The following SPG11 variants were observed in gnomAD, a reference collection of about 807,000 sequenced individuals.
SPG11 encodes spatacsin.
In SPG11, 222 loss-of-function variants were observed where a neutral mutation model predicts 274.0. The observed-to-expected ratio is 0.81, with a 90% CI of 0.73 to 0.91. The LOEUF is 0.91. Among genes scored for constraint, SPG11 ranks in the 40% least tolerant of loss-of-function variants. SPG11 has a pLI of 0.00. For missense variants in SPG11, 3,114 were observed against 2,872.7 expected (o/e 1.08, Z -1.92); for synonymous variants, 1,144 against 1,039.7 (o/e 1.10, Z -1.93).
intron 25 of SPG11, 130 bp downstream of exon 25, chr15:44,595,953 T>A: frequency 1.6e-6 from 2 of 1,252,608 alleles, no homozygotes; most frequent in South Asian, 2.5e-5. Context: ...AATGTTGCAG[T>A]GAACTTGGAA....
intron 35 of SPG11, among the ~76,000 whole-genome samples, chr15:44,569,178 AG>A (rs149087319): frequency 6.6e-6 from 1 of 151,090 alleles, no homozygotes; most frequent in Non-Finnish European, 1.5e-5. Flanking sequence ...AAAAAAAAAA[AG>A]AAAAAGAAAA....
At chr15:44,659,023 T>C in intron 3 of SPG11, 56 bp downstream of exon 3, 1 of 1,550,656 alleles carries the variant, frequency 6.4e-7, no homozygotes. Flanking sequence ...AAGGCTCATC[T>C]TTATAGGTGT....
chr15:44,619,048 C>T (rs935219806), intron 15 of SPG11, among the ~76,000 whole-genome samples: 2 of 152,070 alleles, frequency 1.3e-5, no homozygotes, highest in Non-Finnish European at 2.9e-5. Flanking sequence ...TAGGTAAGCA[C>T]ACAAGTTCTA....
chr15:44,641,586 T>TACACACACACAC lies in SPG11; in HGVS notation c.1602+7268_1602+7279dup, dbSNP rs147901004. Among the ~76,000 whole-genome samples the TACACACACACAC allele has an allele frequency of 2.2e-3, 242 of 112,478 alleles. 4 individuals carry two copies. Among genetic ancestry groups the TACACACACACAC allele is most frequent in the Admixed American group, 5.8e-3 (61 of 10,468 alleles). 73.8% of individuals were successfully genotyped at this position (112,478 alleles called of 152,430 possible). ...TGAAAGAAAAAAAATCCAAATATCT[T>TACACACACACAC]ACACACACACACACACACACACACA... On this transcript the variant is annotated intron_variant, in intron 7 of 39. Transcript: ENST00000261866.
chr15:44,583,457 TCAAAAAA>T (rs560419175), intron 30 of SPG11, among the ~76,000 whole-genome samples: 11 of 151,280 alleles, frequency 7.3e-5, no homozygotes, highest in Middle Eastern at 3.4e-3. Context: ...AAACACCATC[TCAAAAAA>T]CAAAAAACAA....
intron 17 of SPG11, among the ~76,000 whole-genome samples, chr15:44,611,807 G>GTTT (rs1390494639): frequency 9.6e-6 from 1 of 104,132 alleles, no homozygotes. Flanking sequence ...AATGGTCACT[G>GTTT]TCTTTTTTTT....
At chr15:44,585,898 C>T (rs1328531775) in intron 28 of SPG11, 48 bp from the exon 29 acceptor site, 1 of 1,501,698 alleles carries the variant, frequency 6.7e-7, no homozygotes, top group East Asian at 2.3e-5. Context: ...TAAAATGCCA[C>T]TACAGCATTT....
intron 20 of SPG11, among the ~76,000 whole-genome samples, chr15:44,603,273 T>G (rs888947742): frequency 3.3e-5 from 5 of 152,176 alleles, no homozygotes; most frequent in African/African-American, 1.2e-4. Context: ...GCTAATTTTT[T>G]GTAGAGACAG....
At chr15:44,661,338 T>C (rs767593420) in intron 1 of SPG11, among the ~76,000 whole-genome samples, 2 of 152,148 alleles carry the variant, frequency 1.3e-5, no homozygotes, top group African/African-American at 2.4e-5. Flanking sequence ...TAAAACTAAA[T>C]TACACATTAC....
chr15:44,622,194 T>C, intron 13 of SPG11, 26 bp downstream of exon 13: 1 of 1,604,458 alleles, frequency 6.2e-7, no homozygotes. Flanking sequence ...ATTCTAATAT[T>C]ATCAAAAGAG....
At chr15:44,642,542 T>A in intron 7 of SPG11, among the ~76,000 whole-genome samples, 1 of 150,240 alleles carries the variant, frequency 6.7e-6, no homozygotes, top group Non-Finnish European at 1.5e-5. Context: ...TGCAGAAAAA[T>A]AAAGAAAATC....
intron 1 of SPG11, among the ~76,000 whole-genome samples, chr15:44,662,288 AGAGGAGCTG>A (rs138367505): frequency 0.047 from 7,139 of 152,244 alleles, 427 homozygotes; most frequent in African/African-American, 0.13. Context: ...AGGAGCTGTT[AGAGGAGCTG>A]GAGATTCCAA....
rs1478591947 is a variant in SPG11 at position 44,629,234 on chromosome 15, T to G, written c.1890A>C (p.Glu630Asp). 3 of 1,614,000 alleles carry G rather than the reference T, an allele frequency of 1.9e-6. No individual in the cohort carries two copies. The South Asian group carries it at 3.3e-5, about 18-fold the overall frequency. The change falls in exon 9 of 40, where the codon GAA becomes GAC. Residue 630 changes from glutamate (E) to aspartate (D), a missense_variant and splice_region_variant. Glu to Asp is a conservative substitution (Grantham distance 45). Coordinates refer to ENST00000261866, the MANE Select transcript of SPG11 (RefSeq NM_025137.4). ...NQIKELFIHT[E>D]ELDEHLQKGV... is the part of the protein sequence containing the mutation. ...CCCCTTCCTAGCTGCTATTCTTACC[T>G]TCAGTGTGAATGAAAAGCTCCTTTA...
chr15:44,573,441 G>A lies in SPG11; in HGVS notation c.6205+106C>T, dbSNP rs2082466361. On this transcript the variant is annotated intron_variant, in intron 32 of 39. Coordinates refer to ENST00000261866, the MANE Select transcript of SPG11 (RefSeq NM_025137.4). ...ATACATTACTGCAATCCAGAAACTTGAGAGAACCACATACAGGATGTATAT... is the reference window on the plus strand; with the variant it reads ...ATACATTACTGCAATCCAGAAACTTAAGAGAACCACATACAGGATGTATAT... 9 of 1,233,914 alleles carry A rather than the reference G, an allele frequency of 7.3e-6. No homozygotes were observed. In the South Asian group the frequency reaches 1.0e-4, roughly 14 times the overall value. 76.4% of individuals were successfully genotyped at this position (1,233,914 alleles called of 1,614,324 possible). A position where few individuals can be genotyped will look rare whatever the true frequency, so the allele number is the denominator to read the frequency against.
intron 18 of SPG11, 140 bp downstream of exon 18, chr15:44,610,700 A>G: frequency 1.1e-6 from 1 of 923,652 alleles, no homozygotes; most frequent in East Asian, 2.7e-5. Context: ...TTTTAAATTC[A>G]GCCTTATCCT....
intron 4 of SPG11, among the ~76,000 whole-genome samples, chr15:44,654,713 G>A (rs1403263576): frequency 1.3e-5 from 2 of 150,600 alleles, no homozygotes; most frequent in East Asian, 3.9e-4. Flanking sequence ...TGGGTGGTGG[G>A]TAATCCCAGC....
chr15:44,650,019 C>A (rs913835060), intron 6 of SPG11, among the ~76,000 whole-genome samples: 5 of 152,074 alleles, frequency 3.3e-5, no homozygotes, highest in Admixed American at 1.3e-4. Flanking sequence ...TAATTCATAG[C>A]ATATTCCTGA....
intron 14 of SPG11, chr15:44,621,067 G>A (rs1027487234): frequency 4.6e-5 from 7 of 153,218 alleles, no homozygotes; most frequent in African/African-American, 1.7e-4. Flanking sequence ...TTGAACTCCT[G>A]GCCTCAAGCA....
At chr15:44,598,146 G>A (rs757531828) in intron 23 of SPG11, 119 bp downstream of exon 23, 38 of 715,676 alleles carry the variant, frequency 5.3e-5, no homozygotes, top group Non-Finnish European at 8.1e-5. Flanking sequence ...AGATAAAGAA[G>A]AAGATAAGGT....
Sources: gnomAD v4.1 joint callset for allele counts (sites outside exome capture counted in the v4.1 genomes callset) on GRCh38, gnomAD v4.1.1 for gene constraint, MANE v1.5 for transcripts, NCBI Gene and HGNC (gene_info 2026-07-23, HGNC 2026-07-21) for gene names.